Variants in SLC22A15 observed in about 807,000 individuals in gnomAD.
The protein encoded by SLC22A15 is flipt 1.
A neutral mutation model predicts 62.7 loss-of-function variants in SLC22A15; 45 were observed. The observed-to-expected ratio is 0.72, with a 90% CI of 0.56 to 0.92. SLC22A15 has a LOEUF of 0.92. Among genes scored for constraint, SLC22A15 ranks in the 40% least tolerant of loss-of-function variants. The pLI is 0.00. For synonymous variants in SLC22A15, 264 were observed against 267.0 expected (o/e 0.99, Z 0.11); for missense variants, 622 against 665.6 (o/e 0.93, Z 0.72).
In SLC22A15 at chr1:115,993,536, C is replaced by T. The variant is rs1655262122; in HGVS notation, c.300+1293C>T. On this transcript the variant is annotated intron_variant, in intron 2 of 11. Coordinates refer to ENST00000369503, the MANE Select transcript of SLC22A15 (RefSeq NM_018420.3). The stretch of plus-strand genomic sequence containing the variant: ...ACCTGTTGCTGACTATTTTGATAAT[C>T]CTGCTTTGGATGAGGCATACTAAAA... Among the ~76,000 whole-genome samples, 7 of 151,704 alleles carry T rather than the reference C, an allele frequency of 4.6e-5. No homozygotes were observed. In the South Asian group the frequency reaches 1.5e-3, roughly 32 times the overall value.
intron 8 of SLC22A15, among the ~76,000 whole-genome samples, chr1:116,037,874 GA>G (rs1657676153): frequency 6.6e-6 from 1 of 152,160 alleles, no homozygotes; most frequent in African/African-American, 2.4e-5. Flanking sequence ...GGTGACAATG[GA>G]TAGTCTCTTA....
chr1:116,021,442 G>T (rs1570738843), intron 4 of SLC22A15, among the ~76,000 whole-genome samples: 1 of 152,108 alleles, frequency 6.6e-6, no homozygotes, highest in East Asian at 1.9e-4. Context: ...ATTTTAAAAG[G>T]TTATTTAATT....
At chr1:116,058,288 C>T (rs1658278648) in intron 8 of SLC22A15, among the ~76,000 whole-genome samples, 2 of 151,944 alleles carry the variant, frequency 1.3e-5, no homozygotes, top group African/African-American at 2.4e-5. Flanking sequence ...CAAACAATCC[C>T]ATCAAAAAGT....
chr1:116,006,646 C>T (rs966667219), intron 2 of SLC22A15, among the ~76,000 whole-genome samples: 1 of 152,124 alleles, frequency 6.6e-6, no homozygotes. Context: ...ATCTGTATCT[C>T]TGTGTCCCCT....
intron 9 of SLC22A15, among the ~76,000 whole-genome samples, chr1:116,063,206 G>T (rs1658423995): frequency 6.6e-6 from 1 of 152,142 alleles, no homozygotes; most frequent in Non-Finnish European, 1.5e-5. Context: ...CACCCATCCT[G>T]CATCACACAT....
intron 8 of SLC22A15, among the ~76,000 whole-genome samples, chr1:116,055,585 G>A (rs969016850): frequency 6.7e-5 from 10 of 148,470 alleles, no homozygotes; most frequent in Admixed American, 2.7e-4. Flanking sequence ...TACCAAAGCC[G>A]GGCAGAGACA....
Position 116,069,703 on chromosome 1 carries a change from A to G in SLC22A15, c.*2595A>G, listed in dbSNP as rs1658574575. The G allele has an allele frequency of 6.6e-6, 1 of 152,320 alleles. No individual in the cohort carries two copies. Among genetic ancestry groups the G allele is most frequent in the South Asian group, 2.1e-4 (1 of 4,834 alleles). 9.4% of individuals were successfully genotyped at this position (152,320 alleles called of 1,614,324 possible). A position where few individuals can be genotyped will look rare whatever the true frequency, so the allele number is the denominator to read the frequency against. ...TTGGCTACTTTCAAGCAATGCAGAT[A>G]TTCTTTAGTATTTAAAAATGAGCAA... On this transcript the variant is annotated 3_prime_UTR_variant, in exon 12 of 12. Transcript: ENST00000369503.
chr1:116,031,719 C>A, intron 6 of SLC22A15, 138 bp downstream of exon 6: 5 of 1,459,850 alleles, frequency 3.4e-6, no homozygotes, highest in Non-Finnish European at 4.5e-6. Flanking sequence ...CAGCAAGTCT[C>A]CTGATCCTTA....
intron 2 of SLC22A15, among the ~76,000 whole-genome samples, chr1:116,000,895 G>A (rs932469654): frequency 6.6e-6 from 1 of 152,066 alleles, no homozygotes; most frequent in African/African-American, 2.4e-5. Flanking sequence ...GCCTCCCAAA[G>A]TGCTGGGATT....
intron 2 of SLC22A15, among the ~76,000 whole-genome samples, chr1:116,019,110 A>G (rs1000122115): frequency 6.6e-6 from 1 of 152,206 alleles, no homozygotes; most frequent in Non-Finnish European, 1.5e-5. Context: ...GCCAGATCAT[A>G]TGGTAATTCT....
chr1:115,982,103 A>G (rs542325863), intron 1 of SLC22A15, among the ~76,000 whole-genome samples: 1 of 152,222 alleles, frequency 6.6e-6, no homozygotes. Flanking sequence ...CCTAGGTTTC[A>G]GAATACCAGC....
At chr1:115,994,391 G>A (rs1467312567) in intron 2 of SLC22A15, among the ~76,000 whole-genome samples, 1 of 152,178 alleles carries the variant, frequency 6.6e-6, no homozygotes, top group East Asian at 1.9e-4. Flanking sequence ...AGCTAATAAT[G>A]GCAGAGCTGA....
intron 2 of SLC22A15, among the ~76,000 whole-genome samples, chr1:116,010,231 T>C (rs1279027860): frequency 6.6e-6 from 1 of 152,224 alleles, no homozygotes; most frequent in East Asian, 1.9e-4. Flanking sequence ...GCTTAATTAA[T>C]GTTTGCAACC....
At chr1:116,003,810 T>G (rs1655850057) in intron 2 of SLC22A15, among the ~76,000 whole-genome samples, 1 of 152,230 alleles carries the variant, frequency 6.6e-6, no homozygotes, top group South Asian at 2.1e-4. Flanking sequence ...GATTTGTGGT[T>G]CTTAAGAAGG....
At chr1:116,055,498 C>T (rs1430435369) in intron 8 of SLC22A15, among the ~76,000 whole-genome samples, 1 of 149,254 alleles carries the variant, frequency 6.7e-6, no homozygotes, top group Non-Finnish European at 1.5e-5. Flanking sequence ...TGGTACCATT[C>T]CTTCTGAAAC....
Position 116,020,650 on chromosome 1 carries a change from G to T in SLC22A15, c.434-71G>T, listed in dbSNP as rs1050224925. The T allele has an allele frequency of 4.2e-6, 5 of 1,189,606 alleles. No homozygotes were observed. In the East Asian group the frequency reaches 1.3e-4, roughly 31 times the overall value. The allele number at this position is 1,189,606 out of a possible 1,614,324, so 73.7% of individuals were successfully genotyped here. On this transcript the variant is annotated intron_variant, in intron 3 of 11. Transcript: ENST00000369503. Reference sequence around the variant, plus strand: ...ACAAACATTTATTTTATAAGCTAATGAATATAATTTATTACTTTCATCAAA... The same window carrying T: ...ACAAACATTTATTTTATAAGCTAATTAATATAATTTATTACTTTCATCAAA...
intron 8 of SLC22A15, among the ~76,000 whole-genome samples, chr1:116,053,269 G>A (rs1658111739): frequency 1.3e-5 from 2 of 152,216 alleles, no homozygotes; most frequent in African/African-American, 4.8e-5. Flanking sequence ...AGAAGCCTCA[G>A]GAGCTGATGT....
At position 116,011,443 on chromosome 1, in the gene SLC22A15, C is replaced by T. The variant is rs533693990; in HGVS notation, c.301-8139C>T. Among the ~76,000 whole-genome samples, 11 of 152,158 alleles carry T rather than the reference C, an allele frequency of 7.2e-5. No individual in the cohort carries two copies. In the East Asian group the frequency reaches 1.9e-3, roughly 27 times the overall value. ...CCAATTAGGTAGTTCCCTGTATGCC[C>T]GTAAACCCACAACCTGATGCTTGAA... On this transcript the variant is annotated intron_variant, in intron 2 of 11. Transcript: ENST00000369503.
chr1:116,037,316 C>T lies in SLC22A15; in HGVS notation c.1099C>T (p.Arg367Ter), dbSNP rs190411673. 18 of 1,613,074 alleles carry T rather than the reference C, an allele frequency of 1.1e-5. No individual in the cohort carries two copies. The highest frequency in any genetic ancestry group is 3.3e-4 in the Middle Eastern group (2 of 6,052). The change falls in exon 8 of 12, where the codon CGA (arginine) becomes TGA (stop). Residue 367 changes from arginine to a stop codon, truncating the protein, a stop_gained. Transcript: ENST00000369503. LOFTEE classifies it high-confidence loss of function. Reference sequence around the variant, plus strand: ...TCTATTGTTTAGGTTTGGTCGGAAGCGAACATTATCAGCATTTCTGTGCCT... The same window carrying T: ...TCTATTGTTTAGGTTTGGTCGGAAGTGAACATTATCAGCATTTCTGTGCCT... ...LINQKWFGRK[R>*]TLSAFLCLGG... is the part of the protein sequence containing the mutation.
Sources: gnomAD v4.1 joint callset for allele counts (sites outside exome capture counted in the v4.1 genomes callset) on GRCh38, gnomAD v4.1.1 for gene constraint, MANE v1.5 for transcripts, NCBI Gene and HGNC (gene_info 2026-07-23, HGNC 2026-07-21) for gene names.